RNF6: variants seen among roughly 807,000 people sequenced by gnomAD.
RNF6 encodes the protein E3 ubiquitin-protein ligase RNF6.
In RNF6, 21 loss-of-function variants were observed where a neutral mutation model predicts 50.1. The ratio of observed to expected loss-of-function variants is 0.42; its 90% confidence interval spans 0.30 to 0.60. The LOEUF is 0.60. RNF6 is among the 20% of genes least tolerant of loss of function. The probability of loss-of-function intolerance (pLI) is 0.20; values close to 1 mark genes in which losing one functional copy is unlikely to be tolerated. For missense variants in RNF6, 698 were observed against 838.2 expected (o/e 0.83, Z 2.07); for synonymous variants, 255 against 291.8 (o/e 0.87, Z 1.29).
At chr13:26,159,582 G>A (rs985324230) in intron 5 of RNF6, among the ~76,000 whole-genome samples, 1 of 151,880 alleles carries the variant, frequency 6.6e-6, no homozygotes, top group South Asian at 2.1e-4. Flanking sequence ...CAGAGAACAC[G>A]CTACTGCACT....
intron 5 of RNF6, among the ~76,000 whole-genome samples, chr13:26,145,296 G>A (rs1871166031): frequency 6.6e-6 from 1 of 152,190 alleles, no homozygotes; most frequent in African/African-American, 2.4e-5. Context: ...TTACGCTCAG[G>A]TGATCGGAAT....
chr13:26,193,714 C>G (rs964991722), intron 5 of RNF6, among the ~76,000 whole-genome samples: 4 of 152,146 alleles, frequency 2.6e-5, no homozygotes, highest in Non-Finnish European at 4.4e-5. Flanking sequence ...AAGGAATGAT[C>G]CAGTACAAGA....
At chr13:26,137,097 T>C (rs149443461) in intron 5 of RNF6, among the ~76,000 whole-genome samples, 54 of 152,284 alleles carry the variant, frequency 3.5e-4, no homozygotes, top group African/African-American at 1.3e-3. Context: ...AAAGATCCAT[T>C]ACTGGATCTG....
intron 5 of RNF6, among the ~76,000 whole-genome samples, chr13:26,157,999 A>AT (rs150049232): frequency 2.1e-4 from 31 of 150,030 alleles, no homozygotes; most frequent in African/African-American, 3.2e-4. Flanking sequence ...AGATAGATAG[A>AT]AGAAGTCATT....
At chr13:26,183,365 C>T (rs760378207) in intron 5 of RNF6, among the ~76,000 whole-genome samples, 7 of 152,096 alleles carry the variant, frequency 4.6e-5, no homozygotes, top group African/African-American at 1.2e-4. Flanking sequence ...AATTTAGAAG[C>T]GCCAATGTGA....
chr13:26,209,453 TTTTG>T (rs1231139999), downstream of RNF6, among the ~76,000 whole-genome samples: 1 of 152,216 alleles, frequency 6.6e-6, no homozygotes, highest in Non-Finnish European at 1.5e-5. Flanking sequence ...CTTTCCCTGT[TTTTG>T]TTTGATTTTT....
intron 5 of RNF6, among the ~76,000 whole-genome samples, chr13:26,172,636 C>T (rs536569005): frequency 4.6e-5 from 7 of 151,866 alleles, no homozygotes; most frequent in East Asian, 1.9e-4. Context: ...CTCTGCCTGC[C>T]GGGTTCACGC....
chr13:26,132,655 T>A (rs549494796), intron 5 of RNF6, among the ~76,000 whole-genome samples: 1 of 152,286 alleles, frequency 6.6e-6, no homozygotes, highest in East Asian at 1.9e-4. Context: ...GCAAATAACT[T>A]TAATAAAAAG....
chr13:26,215,204 T>G lies in RNF6; in HGVS notation c.678A>C (p.Glu226Asp). 1 of 1,614,234 alleles carries G rather than the reference T, an allele frequency of 6.2e-7. No homozygotes were observed. The highest frequency in any genetic ancestry group is 8.5e-7 in the Non-Finnish European group (1 of 1,180,042). Residue 226 changes from glutamate to aspartate, a missense_variant, in exon 5 of 5, where the codon GAA becomes GAC. By Grantham distance (45) the Glu-to-Asp change is conservative. Coordinates refer to ENST00000381588, the MANE Select transcript of RNF6 (RefSeq NM_005977.4). ...ACCTTCCCAATGTTGAGAAAGATCC[T>G]TCAGCTGGATTTTGCCCCCTTGAAG... is the stretch of plus-strand genomic sequence containing the variant. The part of the protein sequence containing the change: ...RLASRGQNPA[E>D]GSFSTLGRLR...
At chr13:26,188,300 T>TC (rs1376521367) in intron 5 of RNF6, among the ~76,000 whole-genome samples, 1 of 152,046 alleles carries the variant, frequency 6.6e-6, no homozygotes, top group Admixed American at 6.6e-5. Context: ...ACAATATCCC[T>TC]CCCCTTCTAC....
chr13:26,136,498 A>C (rs1452491444), intron 5 of RNF6, among the ~76,000 whole-genome samples: 1 of 152,196 alleles, frequency 6.6e-6, no homozygotes, highest in Non-Finnish European at 1.5e-5. Context: ...TGAATTAACT[A>C]ACATTTACCT....
At chr13:26,196,620 G>C (rs1033529741) in intron 5 of RNF6, among the ~76,000 whole-genome samples, 1 of 151,544 alleles carries the variant, frequency 6.6e-6, no homozygotes, top group African/African-American at 2.4e-5. Context: ...GTGACAGAGT[G>C]AGACTCTTTC....
At chr13:26,184,026 T>A (rs1259492733) in intron 5 of RNF6, among the ~76,000 whole-genome samples, 555 of 34,158 alleles carry the variant, frequency 0.016, 1 homozygote, top group African/African-American at 0.031. Context: ...ATATTTTTTT[T>A]TTTTTTTTTT....
At chr13:26,151,621 CTTTTTTT>C (rs10682446) in intron 5 of RNF6, among the ~76,000 whole-genome samples, 1 of 139,570 alleles carries the variant, frequency 7.2e-6, no homozygotes, top group African/African-American at 2.6e-5. Context: ...TTCTTTTTTT[CTTTTTTT>C]TTTTTTGGCA....
chr13:26,198,198 T>G (rs1281400513), intron 5 of RNF6, among the ~76,000 whole-genome samples: 1 of 151,508 alleles, frequency 6.6e-6, no homozygotes, highest in African/African-American at 2.4e-5. Context: ...TTGGCCCATA[T>G]GATTGTGAAG....
intron 5 of RNF6, among the ~76,000 whole-genome samples, chr13:26,148,230 A>G (rs1033252139): frequency 4.7e-4 from 71 of 152,022 alleles, no homozygotes; most frequent in Non-Finnish European, 4.6e-4. Flanking sequence ...GCATGGGGGA[A>G]ACTGCCCCCA....
chr13:26,155,964 G>T (rs1871899622), intron 5 of RNF6, among the ~76,000 whole-genome samples: 1 of 152,174 alleles, frequency 6.6e-6, no homozygotes, highest in Admixed American at 6.5e-5. Context: ...TCATTGGATT[G>T]CAGAAAACAA....
intron 5 of RNF6, among the ~76,000 whole-genome samples, chr13:26,207,079 T>A (rs1869140654): frequency 6.6e-6 from 1 of 152,220 alleles, no homozygotes; most frequent in Admixed American, 6.5e-5. Context: ...TTGGGCCTAC[T>A]GAGCCTAATG....
intron 5 of RNF6, among the ~76,000 whole-genome samples, chr13:26,207,230 C>CA (rs35773834): frequency 0.22 from 30,247 of 136,220 alleles, 3,491 homozygotes; most frequent in East Asian, 0.42. Context: ...ACAGCATGGG[C>CA]AAAAAAAAAA....
Sources: allele counts gnomAD v4.1 joint callset (sites outside exome capture counted in the v4.1 genomes callset), GRCh38; gene constraint gnomAD v4.1.1; transcripts MANE v1.5; gene names NCBI Gene and HGNC (gene_info 2026-07-23, HGNC 2026-07-21).